Variants in PPL observed in about 807,000 individuals in gnomAD.
PPL encodes 190 kDa paraneoplastic pemphigus antigen.
In PPL, 198 loss-of-function variants were observed where a neutral mutation model predicts 194.4. That is an observed-to-expected ratio of 1.02 (90% CI 0.91 to 1.15). The LOEUF (loss-of-function observed/expected upper bound fraction) is 1.15. PPL is among the 50% of genes most tolerant of loss of function. The probability of loss-of-function intolerance (pLI) is 0.00; values close to 1 mark genes in which losing one functional copy is unlikely to be tolerated. For missense variants in PPL, 2,885 were observed against 2,294.8 expected (o/e 1.26, Z -5.25); for synonymous variants, 1,220 against 972.4 (o/e 1.25, Z -4.74).
chr16:4,898,384 G>C (rs1348616449), intron 8 of PPL, among the ~76,000 whole-genome samples: 1 of 152,168 alleles, frequency 6.6e-6, no homozygotes, highest in Non-Finnish European at 1.5e-5. Flanking sequence ...ATCTCAGGCG[G>C]GGTTGGTGGC....
chr16:4,929,886 C>T (rs564358773), intron 1 of PPL, among the ~76,000 whole-genome samples: 2 of 151,472 alleles, frequency 1.3e-5, no homozygotes, highest in East Asian at 3.9e-4. Flanking sequence ...TAGGGTCTCA[C>T]TATGTTGCCC....
At chr16:4,897,834 G>A in intron 8 of PPL, 64 bp from the exon 9 acceptor site, 1 of 1,371,118 alleles carries the variant, frequency 7.3e-7, no homozygotes, top group South Asian at 1.2e-5. Flanking sequence ...GGGAGGGACT[G>A]CTGGGATATT....
chr16:4,893,102 C>A (rs970264619), intron 14 of PPL, 111 bp downstream of exon 14: 2 of 1,331,604 alleles, frequency 1.5e-6, no homozygotes, highest in East Asian at 5.2e-5. Context: ...CCCTGACAGA[C>A]AGCTGCAGTG....
chr16:4,890,433 C>T (rs2088297769), intron 17 of PPL, 99 bp from the exon 18 acceptor site: 2 of 1,373,668 alleles, frequency 1.5e-6, no homozygotes, highest in Middle Eastern at 2.1e-4. Context: ...AATGTAACAA[C>T]CAGAAATACC....
Position 4,883,945 on chromosome 16 carries a change from C to T in PPL, c.4710G>A (p.Leu1570=), listed in dbSNP as rs747829726. 20 of 1,614,090 alleles carry T rather than the reference C, an allele frequency of 1.2e-5. No homozygotes were observed. In the South Asian group the frequency reaches 2.2e-4, roughly 18 times the overall value. ...FLREENHKLQ[L]ERQNLQLETR... ...TCTCCAGCTGCAGGTTTTGCCTCTC[C>T]AGCTGTAATTTGTGGTTCTCTTCCC... The change falls in exon 22 of 22, where the codon CTG becomes CTA. Residue 1570 remains leucine, a synonymous_variant. Transcript: ENST00000345988. This position sits in a 1 kb window ranked among gnomAD's most constrained non-coding sequence, Gnocchi z 4.8.
chr16:4,935,890 C>G (rs2089291260), intron 1 of PPL, among the ~76,000 whole-genome samples: 1 of 152,120 alleles, frequency 6.6e-6, no homozygotes. Flanking sequence ...GCAGAACTCC[C>G]AGACAGGAGA....
In PPL at chr16:4,884,943, ACTTAATGACTTCCTTAGTCACCT is replaced by A; in HGVS notation, c.3689_3711del (p.Glu1230ValfsTer4). 1 of 1,614,102 alleles carries A rather than the reference ACTTAATGACTTCCTTAGTCACCT, an allele frequency of 6.2e-7. No homozygotes were observed. The highest frequency in any genetic ancestry group is 8.5e-7 in the Non-Finnish European group (1 of 1,180,004). Reference sequence around the variant, plus strand: ...TTCTCCATCTCAGGGTCAGTCTTGTACTTAATGACTTCCTTAGTCACCTCTTTGACTTCCACCTGGGGGCCTCG... The same window carrying A: ...TTCTCCATCTCAGGGTCAGTCTTGTACTTTGACTTCCACCTGGGGGCCTCG... On this transcript the variant is annotated frameshift_variant, in exon 22 of 22. Coordinates refer to ENST00000345988, the MANE Select transcript of PPL (RefSeq NM_002705.5). LOFTEE classifies it high-confidence loss of function. The surrounding 1 kb of genome is among the most constrained non-coding windows in gnomAD (Gnocchi z 5.7).
chr16:4,895,776 T>C lies in PPL; in HGVS notation c.973-60A>G. On this transcript the variant is annotated intron_variant, in intron 9 of 21. Transcript: ENST00000345988. ...ACCACTAGAAGCACCTGGGCTTCTG[T>C]CGGAGGCTTCAAGCTCATCCCTCAG... 6 of 1,608,956 alleles carry C rather than the reference T, an allele frequency of 3.7e-6. No homozygotes were observed. In the South Asian group the frequency reaches 5.5e-5, roughly 15 times the overall value.
chr16:4,914,138 T>G lies in PPL; in HGVS notation c.63-3189A>C, dbSNP rs57358170. On this transcript the variant is annotated intron_variant, in intron 1 of 21. Transcript: ENST00000345988. Reference sequence around the variant, plus strand: ...AGAAGGCTCCAATGAGGACACGCCATAGAGAGAGGCAGGTCCTGGCACGTC... The same window carrying G: ...AGAAGGCTCCAATGAGGACACGCCAGAGAGAGAGGCAGGTCCTGGCACGTC... 2.0e-5 allele frequency among the ~76,000 whole-genome samples: 3 copies of G among 152,154 alleles called. 1 individual carries two copies. The highest frequency in any genetic ancestry group is 2.1e-4 in the South Asian group (1 of 4,816).
intron 1 of PPL, among the ~76,000 whole-genome samples, chr16:4,917,519 T>C (rs556673076): frequency 1.8e-4 from 27 of 152,258 alleles, no homozygotes; most frequent in African/African-American, 5.8e-4. Context: ...TGGACAGTGA[T>C]TGCTAAGGGG....
intron 1 of PPL, among the ~76,000 whole-genome samples, chr16:4,920,537 C>T (rs1228341187): frequency 1.3e-5 from 2 of 152,022 alleles, no homozygotes; most frequent in Non-Finnish European, 2.9e-5. Context: ...AATCTTGGCT[C>T]ACTGCAACCT....
rs945170263 is a variant in PPL at position 4,888,847 on chromosome 16, C to A, written c.2397+131G>T. Reference sequence around the variant, plus strand: ...CAAAAGCCTGTGCCAGTTTGCACAGCAGCCGGCAGTGCCTCGGATGGCCAG... The same window carrying A: ...CAAAAGCCTGTGCCAGTTTGCACAGAAGCCGGCAGTGCCTCGGATGGCCAG... On this transcript the variant is annotated intron_variant, in intron 19 of 21. Coordinates refer to ENST00000345988, the MANE Select transcript of PPL (RefSeq NM_002705.5). The A allele has an allele frequency of 1.8e-5, 15 of 846,886 alleles. No individual in the cohort carries two copies. The Admixed American group carries it at 1.8e-4, about 10-fold the overall frequency. 52.5% of individuals were successfully genotyped at this position (846,886 alleles called of 1,614,324 possible). A position where few individuals can be genotyped will look rare whatever the true frequency, so the allele number is the denominator to read the frequency against.
Position 4,890,273 on chromosome 16 carries a change from CGT to C in PPL, c.2222_2223del (p.His741ArgfsTer35). On this transcript the variant is annotated frameshift_variant, in exon 18 of 22. Transcript: ENST00000345988. LOFTEE classifies it high-confidence loss of function. ...GGGATGCTGACTAGGAACTGCAGCA[CGT>C]GGTCATGGCCGCGGTGGAAGTGCTC... ...AYEHFHRGHD[H>X]VLQFLVSIPS... 6.2e-7 allele frequency: 1 copy of C among 1,614,202 alleles called. No homozygotes were observed. Among genetic ancestry groups the C allele is most frequent in the Non-Finnish European group, 8.5e-7 (1 of 1,180,040 alleles).
chr16:4,920,337 G>A (rs8057276), intron 1 of PPL, among the ~76,000 whole-genome samples: 953 of 13,476 alleles, frequency 0.071, 17 homozygotes, highest in East Asian at 0.18. Context: ...GAAAGAAAGA[G>A]AGAGAGAGAG....
intron 1 of PPL, among the ~76,000 whole-genome samples, chr16:4,920,470 C>G (rs1321130134): frequency 6.6e-6 from 1 of 151,886 alleles, no homozygotes; most frequent in African/African-American, 2.4e-5. Context: ...CATTTATACT[C>G]TTTTTAAAAT....
Position 4,882,996 on chromosome 16 carries a change from C to G in PPL, c.*388G>C, listed in dbSNP as rs2088128580. ...GGCCTTTGTGGGGCAGTGTCACTGT[C>G]TGGTGTGCCACCAGTACCCATGCTG... On this transcript the variant is annotated 3_prime_UTR_variant, in exon 22 of 22. Coordinates refer to ENST00000345988, the MANE Select transcript of PPL (RefSeq NM_002705.5). 1 of 233,680 alleles carries G rather than the reference C, an allele frequency of 4.3e-6. No homozygotes were observed. The highest frequency in any genetic ancestry group is 8.4e-6 in the Non-Finnish European group (1 of 118,498). 14.5% of individuals were successfully genotyped at this position (233,680 alleles called of 1,614,324 possible).
chr16:4,902,328 T>G lies in PPL; in HGVS notation c.438+78A>C, dbSNP rs2088590257. On this transcript the variant is annotated intron_variant, in intron 4 of 21. Coordinates refer to ENST00000345988, the MANE Select transcript of PPL (RefSeq NM_002705.5). This position sits in a 1 kb window ranked among gnomAD's most constrained non-coding sequence, Gnocchi z 4.0. The stretch of plus-strand genomic sequence containing the variant: ...GGTAAGACCCGGGATGCCCATTACA[T>G]GGGTAGGCTCTCCCTGCACACGCAC... 1 of 1,578,314 alleles carries G rather than the reference T, an allele frequency of 6.3e-7. No individual in the cohort carries two copies. Among genetic ancestry groups the G allele is most frequent in the Non-Finnish European group, 8.6e-7 (1 of 1,161,520 alleles).
rs1276502444 is a variant in PPL, at chr16:4,888,122, C to T, written c.2494G>A (p.Ala832Thr). ...VSKRARLQSPATKVKEEEAAL... is the reference protein window; with the variant it reads ...VSKRARLQSPTTKVKEEEAAL... ...CTCACCTCTTCCTTCACTTTGGTGG[C>T]AGGAGATTGGAGCCTGGCTCTCTTG... Residue 832 changes from alanine to threonine, a missense_variant, in exon 20 of 22, where the codon GCC (alanine) becomes ACC (threonine). Transcript: ENST00000345988. The T allele has an allele frequency of 3.7e-6, 6 of 1,613,606 alleles. No homozygotes were observed. The South Asian group carries it at 4.4e-5, about 12-fold the overall frequency.
chr16:4,895,552 C>A, intron 10 of PPL, 42 bp downstream of exon 10: 1 of 1,612,576 alleles, frequency 6.2e-7, no homozygotes, highest in Non-Finnish European at 8.5e-7. Context: ...TAGAGGGGTC[C>A]CCCGCCCCCC....
Sources: allele counts gnomAD v4.1 joint callset (sites outside exome capture counted in the v4.1 genomes callset), GRCh38; gene constraint gnomAD v4.1.1; non-coding constraint Gnocchi (gnomAD v3.1); transcripts MANE v1.5; gene names NCBI Gene and HGNC (gene_info 2026-07-23, HGNC 2026-07-21).